PTPRD: variants seen among roughly 807,000 people sequenced by gnomAD.
The protein encoded by PTPRD is receptor-type tyrosine-protein phosphatase delta.
A neutral mutation model predicts 214.5 loss-of-function variants in PTPRD; 34 were observed. The ratio of observed to expected loss-of-function variants is 0.16; its 90% CI spans 0.12 to 0.21. PTPRD has a LOEUF of 0.21. Ranked by LOEUF, PTPRD falls within the 10% of genes least tolerant of loss-of-function variation. The pLI, the probability that PTPRD is intolerant of heterozygous loss-of-function variation, is 1.00. For missense variants in PTPRD, 2,545 were observed against 2,398.7 expected, an observed-to-expected ratio of 1.06 and a Z score of -1.27; for synonymous variants, 1,128 against 845.7, an observed-to-expected ratio of 1.33 and a Z score of -5.79.
intron 7 of PTPRD, among the ~76,000 whole-genome samples, chr9:9,597,497 T>A (rs920840236): frequency 6.6e-6 from 1 of 151,978 alleles, no homozygotes; most frequent in African/African-American, 2.4e-5. Flanking sequence ...CCTTGAAAAC[T>A]GATTGTTCAA....
intron 3 of PTPRD, among the ~76,000 whole-genome samples, chr9:10,039,195 T>C (rs1407087429): frequency 6.6e-6 from 1 of 152,088 alleles, no homozygotes; most frequent in African/African-American, 2.4e-5. Flanking sequence ...CTTGAAATCA[T>C]CTACAAAAAT....
intron 3 of PTPRD, among the ~76,000 whole-genome samples, chr9:10,041,273 T>C (rs2097292523): frequency 6.6e-6 from 1 of 152,020 alleles, no homozygotes; most frequent in South Asian, 2.1e-4. Flanking sequence ...TGTGAAAGAC[T>C]GACTATATCC....
chr9:9,129,068 C>G lies in PTPRD; in HGVS notation c.-143+54236G>C, dbSNP rs544462852. On this transcript the variant is annotated intron_variant, in intron 10 of 45. Transcript: ENST00000381196. ...ACATTTAGTGAGAGTACTGCTCTTA[C>G]AAGCAGTCCTAACACAAGGCTTTAT... Among the ~76,000 whole-genome samples the G allele has an allele frequency of 1.4e-4, 22 of 152,318 alleles. No homozygotes were observed. The South Asian group carries it at 4.3e-3, about 30-fold the overall frequency.
chr9:10,523,994 G>A (rs1047728411), intron 2 of PTPRD, among the ~76,000 whole-genome samples: 1 of 151,974 alleles, frequency 6.6e-6, no homozygotes, highest in Non-Finnish European at 1.5e-5. Flanking sequence ...CCAAGATGAT[G>A]GTGCCAACAT....
At chr9:9,920,253 T>C (rs544330803) in intron 5 of PTPRD, among the ~76,000 whole-genome samples, 5 of 152,236 alleles carry the variant, frequency 3.3e-5, no homozygotes, top group African/African-American at 1.2e-4. Flanking sequence ...GTGGTCTGGA[T>C]AATTTGCACA....
chr9:9,669,383 C>A (rs1294673595), intron 7 of PTPRD, among the ~76,000 whole-genome samples: 1 of 152,124 alleles, frequency 6.6e-6, no homozygotes, highest in Non-Finnish European at 1.5e-5. Context: ...AATCTAATTT[C>A]TATCACTAGG....
intron 7 of PTPRD, among the ~76,000 whole-genome samples, chr9:9,720,968 C>T (rs2097925593): frequency 1.3e-5 from 2 of 151,946 alleles, no homozygotes; most frequent in Admixed American, 1.3e-4. Context: ...GAACAACACA[C>T]TGGAGACTAT....
At chr9:9,899,767 C>A (rs7034101) in intron 5 of PTPRD, among the ~76,000 whole-genome samples, 4,568 of 151,926 alleles carry the variant, frequency 0.03, 245 homozygotes, top group African/African-American at 0.1. Flanking sequence ...GGTTACAGCA[C>A]TATTTACAAT....
chr9:8,344,661 T>C (rs1855829230), intron 39 of PTPRD, among the ~76,000 whole-genome samples: 1 of 152,014 alleles, frequency 6.6e-6, no homozygotes, highest in African/African-American at 2.4e-5. Flanking sequence ...TGTTACCTTC[T>C]TCTAGGATGA....
chr9:8,782,365 T>C (rs1037883546), intron 11 of PTPRD, among the ~76,000 whole-genome samples: 1 of 152,126 alleles, frequency 6.6e-6, no homozygotes, highest in Non-Finnish European at 1.5e-5. Flanking sequence ...ATTCAAAATC[T>C]ACTCTTTTAG....
intron 3 of PTPRD, among the ~76,000 whole-genome samples, chr9:10,117,850 G>C (rs2098743496): frequency 6.6e-6 from 1 of 151,894 alleles, no homozygotes; most frequent in African/African-American, 2.4e-5. Flanking sequence ...CTCCAGAGAA[G>C]ATTTATGCCT....
At chr9:8,462,975 G>A (rs1306365331) in intron 32 of PTPRD, among the ~76,000 whole-genome samples, 2 of 151,760 alleles carry the variant, frequency 1.3e-5, no homozygotes, top group African/African-American at 4.8e-5. Flanking sequence ...GCAAATCTTG[G>A]CTGAATAAGA....
Position 9,117,880 on chromosome 9 carries a change from T to A in PTPRD, c.-143+65424A>T, listed in dbSNP as rs538463804. On this transcript the variant is annotated intron_variant, in intron 10 of 45. Transcript: ENST00000381196. ...ATGTATGGTAGAGGCAAAGAAAATTTAAAAAAAAAAATGAAGGGATGGATC... is the reference window on the plus strand; with the variant it reads ...ATGTATGGTAGAGGCAAAGAAAATTAAAAAAAAAAAATGAAGGGATGGATC... Among the ~76,000 whole-genome samples, 48 of 148,364 alleles carry A rather than the reference T, an allele frequency of 3.2e-4. 2 individuals are homozygous for A. In the South Asian group the frequency reaches 3.8e-3, roughly 12 times the overall value.
chr9:10,059,847 G>T (rs923400918), intron 3 of PTPRD, among the ~76,000 whole-genome samples: 1 of 151,080 alleles, frequency 6.6e-6, no homozygotes, highest in East Asian at 1.9e-4. Flanking sequence ...AGGTTACTTT[G>T]GAAAATTCAA....
chr9:9,419,067 G>A lies in PTPRD; in HGVS notation c.-236-21585C>T, dbSNP rs935737703. ...GAACACACATATGAAGATGCTACAA[G>A]AGTATTCTATTGTACAACTGGGTAA... On this transcript the variant is annotated intron_variant, in intron 8 of 45. Transcript: ENST00000381196. Among the ~76,000 whole-genome samples the A allele has an allele frequency of 9.9e-5, 15 of 150,772 alleles. No homozygotes were observed. The Admixed American group carries it at 1.0e-3, about 10-fold the overall frequency.
intron 2 of PTPRD, among the ~76,000 whole-genome samples, chr9:10,456,385 G>T (rs1051454883): frequency 1.3e-5 from 2 of 151,862 alleles, no homozygotes; most frequent in African/African-American, 4.8e-5. Context: ...AAGCATGATG[G>T]TGTTGGTTAG....
At chr9:9,912,286 T>C (rs1208783195) in intron 5 of PTPRD, among the ~76,000 whole-genome samples, 2 of 152,130 alleles carry the variant, frequency 1.3e-5, no homozygotes, top group African/African-American at 2.4e-5. Context: ...GGACTGTCAT[T>C]TGTTCTGAGT....
At chr9:8,856,563 G>C (rs1233945839) in intron 11 of PTPRD, among the ~76,000 whole-genome samples, 1 of 152,098 alleles carries the variant, frequency 6.6e-6, no homozygotes, top group Non-Finnish European at 1.5e-5. Context: ...AACTTTAAGA[G>C]GAAATACAAG....
chr9:10,429,462 C>T lies in PTPRD; in HGVS notation c.-599-88445G>A, dbSNP rs149291275. 2.4e-3 allele frequency among the ~76,000 whole-genome samples: 364 copies of T among 151,872 alleles called. 1 individual carries two copies. Among genetic ancestry groups the T allele is most frequent in the Non-Finnish European group, 4.1e-3 (281 of 67,896 alleles). On this transcript the variant is annotated intron_variant, in intron 2 of 45. Coordinates refer to ENST00000381196, the MANE Select transcript of PTPRD (RefSeq NM_002839.4). ...GGTCTATCAACGAATGAATAAAGTG[C>T]GGTGTATATGCACAGTAAGATACTA...
Sources: gnomAD v4.1 joint callset for allele counts (sites outside exome capture counted in the v4.1 genomes callset) on GRCh38, gnomAD v4.1.1 for gene constraint, MANE v1.5 for transcripts, NCBI Gene and HGNC (gene_info 2026-07-23, HGNC 2026-07-21) for gene names.